Variants in WDR72 observed in about 807,000 individuals in gnomAD.
The protein encoded by WDR72 is WD repeat domain 72, also known as WD repeat-containing protein 72.
A neutral mutation model predicts 124.2 loss-of-function variants in WDR72; 120 were observed. The observed-to-expected ratio is 0.97, with a 90% confidence interval of 0.83 to 1.12. WDR72 has a LOEUF of 1.12. WDR72 is among the 50% of genes most tolerant of loss of function. The probability of loss-of-function intolerance (pLI) is 0.00; values close to 1 mark genes in which losing one functional copy is unlikely to be tolerated. For synonymous variants in WDR72, 452 were observed against 441.7 expected (o/e 1.02, Z -0.29); for missense variants, 1,387 against 1,278.8 (o/e 1.08, Z -1.29).
intron 3 of WDR72, among the ~76,000 whole-genome samples, chr15:53,721,000 A>G (rs1457019429): frequency 6.6e-6 from 1 of 152,212 alleles, no homozygotes; most frequent in Non-Finnish European, 1.5e-5. Flanking sequence ...TTTGGAAAAT[A>G]ATGGGGCAAG....
At chr15:53,634,340 T>C (rs994230599) in intron 14 of WDR72, among the ~76,000 whole-genome samples, 2 of 152,194 alleles carry the variant, frequency 1.3e-5, no homozygotes, top group Non-Finnish European at 2.9e-5. Flanking sequence ...GACCTCAAAC[T>C]GCCTGAAGGC....
intron 14 of WDR72, among the ~76,000 whole-genome samples, chr15:53,663,224 G>A (rs1319580089): frequency 6.6e-6 from 1 of 152,038 alleles, no homozygotes; most frequent in Non-Finnish European, 1.5e-5. Context: ...TAACTTAGGA[G>A]AAGCACAAAT....
chr15:53,546,864 A>C (rs528046433), intron 18 of WDR72, among the ~76,000 whole-genome samples: 1 of 152,360 alleles, frequency 6.6e-6, no homozygotes, highest in East Asian at 1.9e-4. Flanking sequence ...TATAATGCTC[A>C]GTCTATACAA....
chr15:53,547,768 C>A (rs1893544436), intron 18 of WDR72, among the ~76,000 whole-genome samples: 1 of 152,094 alleles, frequency 6.6e-6, no homozygotes, highest in Admixed American at 6.6e-5. Flanking sequence ...GAAACCTGCC[C>A]ATCCTGTGGC....
chr15:53,549,220 G>A (rs986922881), intron 18 of WDR72, among the ~76,000 whole-genome samples: 3 of 152,154 alleles, frequency 2.0e-5, no homozygotes. Context: ...AGATCTTATG[G>A]TCTGACAGGC....
Position 53,711,385 on chromosome 15 carries a change from G to A in WDR72, c.808C>T (p.Leu270Phe). ...CTGTGACCATCTTCTGTCCAGATGA[G>A]GATTCTGTGAGCAGCAATCACTTCT... ...GGEVIAAHRI[L>F]IWTEDGHSYI... The change falls in exon 8 of 20, where the codon CTC becomes TTC. Residue 270 changes from leucine to phenylalanine, a missense_variant. Leu to Phe is a conservative substitution (Grantham distance 22). Transcript: ENST00000360509. 1 of 1,614,086 alleles carries A rather than the reference G, an allele frequency of 6.2e-7. No individual in the cohort carries two copies. Among genetic ancestry groups the A allele is most frequent in the Non-Finnish European group, 8.5e-7 (1 of 1,180,038 alleles).
At chr15:53,710,696 C>T (rs768724551) in intron 9 of WDR72, among the ~76,000 whole-genome samples, 161 bp downstream of exon 9, 8 of 152,130 alleles carry the variant, frequency 5.3e-5, no homozygotes, top group Admixed American at 1.3e-4. Context: ...AAAGTTTTCT[C>T]TTTGGTAGCC....
intron 18 of WDR72, among the ~76,000 whole-genome samples, chr15:53,551,521 A>G (rs1458591622): frequency 6.6e-6 from 1 of 152,170 alleles, no homozygotes; most frequent in Non-Finnish European, 1.5e-5. Context: ...GAAGAAAGTC[A>G]TATCTCCCTT....
At chr15:53,642,155 G>A (rs912544680) in intron 14 of WDR72, among the ~76,000 whole-genome samples, 10 of 151,786 alleles carry the variant, frequency 6.6e-5, no homozygotes, top group Non-Finnish European at 1.2e-4. Context: ...CCTGTAATTC[G>A]AAGTTGATAT....
intron 13 of WDR72, among the ~76,000 whole-genome samples, chr15:53,691,204 T>C (rs1439329971): frequency 6.6e-6 from 1 of 152,090 alleles, no homozygotes; most frequent in Non-Finnish European, 1.5e-5. Context: ...CACGTACCAC[T>C]GTGCCTGGCT....
At chr15:53,642,624 T>C (rs1184133050) in intron 14 of WDR72, among the ~76,000 whole-genome samples, 1 of 152,028 alleles carries the variant, frequency 6.6e-6, no homozygotes, top group Non-Finnish European at 1.5e-5. Context: ...CCTTAATCCA[T>C]TAGTGATACA....
chr15:53,592,329 A>C (rs982980005), intron 18 of WDR72, among the ~76,000 whole-genome samples: 40 of 152,072 alleles, frequency 2.6e-4, no homozygotes, highest in African/African-American at 9.7e-4. Context: ...AGATGCACTT[A>C]CTACAAATAA....
Position 53,646,864 on chromosome 15 carries a change from C to A in WDR72, c.1962+18708G>T, listed in dbSNP as rs191194152. ...CAAATAGGTGTAATAAAAAGGAAGT[C>A]TCATAACCAAAAATAAAAAAGGGAA... On this transcript the variant is annotated intron_variant, in intron 14 of 19. Transcript: ENST00000360509. Among the ~76,000 whole-genome samples the A allele has an allele frequency of 2.0e-3, 306 of 152,084 alleles. 1 individual carries two copies. The highest frequency in any genetic ancestry group is 3.5e-3 in the Non-Finnish European group (238 of 67,954).
Position 53,576,978 on chromosome 15 carries a change from G to A in WDR72, c.3148+20101C>T, listed in dbSNP as rs2011649757. 2.0e-5 allele frequency among the ~76,000 whole-genome samples: 3 copies of A among 152,200 alleles called. No homozygotes were observed. In the South Asian group the frequency reaches 6.2e-4, roughly 32 times the overall value. On this transcript the variant is annotated intron_variant, in intron 18 of 19. Coordinates refer to ENST00000360509, the MANE Select transcript of WDR72 (RefSeq NM_182758.4). The stretch of plus-strand genomic sequence containing the variant: ...AAGTCAAACAGAATGTACTTGTAAG[G>A]GATCAGTTTGAACCTTTGCTTTAGA...
At position 53,715,288 on chromosome 15, in the gene WDR72, T is replaced by G; in HGVS notation, c.419A>C (p.Asp140Ala). ...CGEYQDVLIIDAKTLAVVHSF... is the reference protein window; with the variant it reads ...CGEYQDVLIIAAKTLAVVHSF... The stretch of plus-strand genomic sequence containing the variant: ...GTGAACAACAGCCAAAGTTTTGGCA[T>G]CAATTATAAGGACATCTTGATATTC... The change falls in exon 5 of 20, where the codon GAT (aspartate) becomes GCT (alanine). Residue 140 changes from aspartate (D) to alanine (A), a missense_variant. Physicochemically the swap from Asp to Ala is moderately radical, Grantham distance 126. Transcript: ENST00000360509. 6.2e-7 allele frequency: 1 copy of G among 1,614,130 alleles called. No individual in the cohort carries two copies. The highest frequency in any genetic ancestry group is 2.2e-5 in the East Asian group (1 of 44,860).
At chr15:53,529,279 T>A (rs78222067) in intron 18 of WDR72, among the ~76,000 whole-genome samples, 8,270 of 150,736 alleles carry the variant, frequency 0.055, 788 homozygotes, top group African/African-American at 0.19. Context: ...ACAAAACAAA[T>A]CCTTAAACAG....
At chr15:53,545,152 G>T (rs1362111179) in intron 18 of WDR72, among the ~76,000 whole-genome samples, 1 of 150,596 alleles carries the variant, frequency 6.6e-6, no homozygotes. Context: ...CACAGAATTG[G>T]AAAAAACTAC....
At chr15:53,656,107 T>C (rs910696343) in intron 14 of WDR72, among the ~76,000 whole-genome samples, 3 of 152,238 alleles carry the variant, frequency 2.0e-5, no homozygotes, top group Non-Finnish European at 4.4e-5. Flanking sequence ...AATATGTGCA[T>C]AAGAAAGCCC....
intron 11 of WDR72, 109 bp downstream of exon 11, chr15:53,704,879 C>A: frequency 2.5e-6 from 3 of 1,184,194 alleles, no homozygotes; most frequent in Non-Finnish European, 3.6e-6. Flanking sequence ...ACATATTTAT[C>A]AGCAAATGCC....
Sources: allele counts gnomAD v4.1 joint callset (sites outside exome capture counted in the v4.1 genomes callset), GRCh38; gene constraint gnomAD v4.1.1; transcripts MANE v1.5; gene names NCBI Gene and HGNC (gene_info 2026-07-23, HGNC 2026-07-21).